The following STXBP2 variants were observed in gnomAD, a reference collection of about 807,000 sequenced individuals.
The protein encoded by STXBP2 is syntaxin-binding protein 2.
STXBP2 carries 47 observed loss-of-function variants against 72.2 expected under a neutral mutation model. The ratio of observed to expected loss-of-function variants is 0.65; its 90% CI spans 0.51 to 0.83. The LOEUF is 0.83. STXBP2 is among the 40% of genes least tolerant of loss of function. STXBP2 has a pLI of 0.00. For missense variants in STXBP2, 702 were observed against 807.6 expected (o/e 0.87, Z 1.58); for synonymous variants, 367 against 338.7 (o/e 1.08, Z -0.92).
chr19:7,641,163 G>T, intron 6 of STXBP2, 160 bp downstream of exon 6: 1 of 761,678 alleles, frequency 1.3e-6, no homozygotes, highest in South Asian at 1.5e-5. Flanking sequence ...CCAGGAGTTT[G>T]AGACCAGCCT....
chr19:7,633,263 C>T (rs2031407081), upstream of STXBP2: 3 of 893,528 alleles, frequency 3.4e-6, no homozygotes, highest in Non-Finnish European at 5.1e-6. Flanking sequence ...ACCCCCAAGC[C>T]CACCAGCCCC....
upstream of STXBP2, chr19:7,636,503 G>A (rs999801921): frequency 3.3e-5 from 5 of 151,242 alleles, no homozygotes; most frequent in Non-Finnish European, 5.9e-5. Flanking sequence ...TGCCCCCTGG[G>A]GACAGGCTCC....
Position 7,647,165 on chromosome 19 carries a change from G to T in STXBP2, c.1456G>T (p.Ala486Ser). The part of the protein sequence containing the change: ...TPVIKDVMED[A>S]VEDRLDRNLW... ...TAACCTGCCTCTCGGCCGCCAGGAC[G>T]CCGTGGAGGACCGGCTGGACAGGAA... The change falls in exon 17 of 19, where the codon GCC (alanine) becomes TCC (serine). Residue 486 changes from alanine to serine, a missense_variant. Transcript: ENST00000221283. The T allele has an allele frequency of 6.2e-7, 1 of 1,611,698 alleles. No individual in the cohort carries two copies. The highest frequency in any genetic ancestry group is 1.1e-5 in the South Asian group (1 of 91,042).
At chr19:7,634,920 A>AC (rs202014590), upstream of STXBP2, among the ~76,000 whole-genome samples, 27 of 150,348 alleles carry the variant, frequency 1.8e-4, no homozygotes, top group African/African-American at 5.1e-4. Context: ...CCATTTCCCC[A>AC]CCCCCCCAAC....
At chr19:7,643,322 A>G (rs1445487861) in intron 13 of STXBP2, 77 bp downstream of exon 13, 2 of 865,306 alleles carry the variant, frequency 2.3e-6, no homozygotes, top group Non-Finnish European at 3.6e-6. Flanking sequence ...AACTGTAGAG[A>G]TGGGGGGTTC....
intron 13 of STXBP2, 178 bp downstream of exon 13, chr19:7,643,423 T>C (rs1034539420): frequency 2.4e-5 from 17 of 703,334 alleles, no homozygotes; most frequent in African/African-American, 2.3e-4. Context: ...GGAGAAACGG[T>C]CCTAGGATGA....
chr19:7,646,081 G>T (rs550422849), intron 15 of STXBP2, 168 bp from the exon 16 acceptor site: 42 of 628,596 alleles, frequency 6.7e-5, no homozygotes, highest in East Asian at 4.7e-4. Context: ...CTGGCTCACT[G>T]TTTCTCTCTC....
At chr19:7,643,133 T>C in intron 12 of STXBP2, 32 bp from the exon 13 acceptor site, 1 of 1,614,036 alleles carries the variant, frequency 6.2e-7, no homozygotes, top group Non-Finnish European at 8.5e-7. Context: ...TCAGCCTTTG[T>C]TATCCCCCAA....
intron 6 of STXBP2, 82 bp downstream of exon 6, chr19:7,641,085 C>A: frequency 6.9e-7 from 1 of 1,441,562 alleles, no homozygotes; most frequent in Non-Finnish European, 9.6e-7. Flanking sequence ...GACACTGAGG[C>A]TGGGCGCAGT....
chr19:7,633,535 C>T (rs545198629), upstream of STXBP2: 30 of 1,441,824 alleles, frequency 2.1e-5, 1 homozygote, highest in African/African-American at 3.2e-4. Flanking sequence ...ACGTCCAGGA[C>T]GTGGGGGTGT....
Position 7,640,546 on chromosome 19 carries a change from G to T in STXBP2, c.247-185G>T, listed in dbSNP as rs375295897. 513 of 719,700 alleles carry T rather than the reference G, an allele frequency of 7.1e-4. 2 individuals carry two copies. In the African/African-American group the frequency reaches 7.8e-3, roughly 11 times the overall value. The allele number at this position is 719,700 out of a possible 1,614,324, so 44.6% of individuals were successfully genotyped here. Reference sequence around the variant, plus strand: ...CATGCGTGTGTATGTGTGTGTGCGTGCGTGCATCTGTGTGTGTGCGCGTGT... The same window carrying T: ...CATGCGTGTGTATGTGTGTGTGCGTTCGTGCATCTGTGTGTGTGCGCGTGT... On this transcript the variant is annotated intron_variant, in intron 4 of 18. Coordinates refer to ENST00000221283, the MANE Select transcript of STXBP2 (RefSeq NM_006949.4).
chr19:7,633,491 C>G, upstream of STXBP2: 1 of 1,558,594 alleles, frequency 6.4e-7, no homozygotes, highest in East Asian at 2.4e-5. Flanking sequence ...CTGCTGGCCT[C>G]TGCCCCGGCC....
At chr19:7,645,450 G>C (rs943533469) in intron 15 of STXBP2, 144 bp downstream of exon 15, 1 of 774,400 alleles carries the variant, frequency 1.3e-6, no homozygotes, top group Non-Finnish European at 2.1e-6. Flanking sequence ...GCAGTGTTTC[G>C]GGTCTGGTCT....
chr19:7,632,727 G>A (rs1475409532), upstream of STXBP2: 1 of 1,559,908 alleles, frequency 6.4e-7, no homozygotes, highest in South Asian at 1.2e-5. The surrounding 1 kb of genome is among the most constrained non-coding windows in gnomAD (Gnocchi z 5.2). Context: ...GCTCTTGGTG[G>A]TCTGGCCCGG....
chr19:7,640,462 G>C (rs2031807637), intron 4 of STXBP2: 2 of 671,096 alleles, frequency 3.0e-6, no homozygotes, highest in African/African-American at 3.6e-5. Context: ...GTATGTGTGT[G>C]CATCTCTGTG....
At chr19:7,633,526 C>T (rs553158293), upstream of STXBP2, 71 of 1,476,754 alleles carry the variant, frequency 4.8e-5, no homozygotes, top group South Asian at 3.9e-4. Flanking sequence ...GCCTTTTAAA[C>T]GTCCAGGACG....
chr19:7,634,998 C>A (rs114809518), upstream of STXBP2, among the ~76,000 whole-genome samples: 1,434 of 152,364 alleles, frequency 9.4e-3, 24 homozygotes, highest in African/African-American at 0.031. Flanking sequence ...CATTAGGGGC[C>A]TACTCTACTC....
chr19:7,634,902 T>G (rs2031468113), upstream of STXBP2, among the ~76,000 whole-genome samples: 1 of 152,154 alleles, frequency 6.6e-6, no homozygotes, highest in Admixed American at 6.5e-5. Flanking sequence ...GTCCCAGTCT[T>G]CATATACCCA....
At chr19:7,646,889 G>C (rs1334113079) in intron 16 of STXBP2, 2 of 565,302 alleles carry the variant, frequency 3.5e-6, no homozygotes, top group African/African-American at 3.8e-5. Flanking sequence ...TGGAGGCCCA[G>C]ACTACTGGGT....
Sources: allele counts gnomAD v4.1 joint callset (sites outside exome capture counted in the v4.1 genomes callset), GRCh38; gene constraint gnomAD v4.1.1; non-coding constraint Gnocchi (gnomAD v3.1); transcripts MANE v1.5; gene names NCBI Gene and HGNC (gene_info 2026-07-23, HGNC 2026-07-21).